The following ABCA12 variants were observed in gnomAD, a reference collection of about 807,000 sequenced individuals.
ABCA12 encodes the protein glucosylceramide transporter ABCA12.
A neutral mutation model predicts 293.5 loss-of-function variants in ABCA12; 156 were observed. The ratio of observed to expected loss-of-function variants is 0.53; its 90% CI spans 0.47 to 0.61. The LOEUF (loss-of-function observed/expected upper bound fraction) is 0.61. Among genes scored for constraint, ABCA12 ranks in the 20% least tolerant of loss-of-function variants. The pLI, the probability that ABCA12 is intolerant of heterozygous loss-of-function variation, is 0.00. For missense variants in ABCA12, 2,797 were observed against 3,090.2 expected, an observed-to-expected ratio of 0.91 and a Z score of 2.25; for synonymous variants, 1,063 against 1,108.0, an observed-to-expected ratio of 0.96 and a Z score of 0.81.
At chr2:214,974,974 C>T in intron 34 of ABCA12, 110 bp from the exon 35 acceptor site, 1 of 1,015,994 alleles carries the variant, frequency 9.8e-7, no homozygotes, top group Non-Finnish European at 1.5e-6. Flanking sequence ...TTTTCTTTTT[C>T]TTTTTTGAGA....
intron 3 of ABCA12, among the ~76,000 whole-genome samples, chr2:215,061,054 A>G (rs367908462): frequency 6.6e-6 from 1 of 152,068 alleles, no homozygotes; most frequent in African/African-American, 2.4e-5. Flanking sequence ...GAGCAATGGC[A>G]CATGGCCAGG....
intron 2 of ABCA12, among the ~76,000 whole-genome samples, chr2:215,067,251 GT>G (rs1701656507): frequency 6.6e-6 from 1 of 152,010 alleles, no homozygotes; most frequent in Admixed American, 6.6e-5. Context: ...AAGTTCCCCA[GT>G]GCTAGGATAA....
intron 1 of ABCA12, among the ~76,000 whole-genome samples, chr2:215,122,017 A>G (rs1031622776): frequency 2.6e-5 from 4 of 152,300 alleles, no homozygotes; most frequent in African/African-American, 7.2e-5. Flanking sequence ...CATCTAAAGA[A>G]ATGACTCATC....
At chr2:214,992,797 G>C (rs1196994482) in intron 23 of ABCA12, among the ~76,000 whole-genome samples, 1 of 151,620 alleles carries the variant, frequency 6.6e-6, no homozygotes, top group East Asian at 1.9e-4. Flanking sequence ...GGAGGTGGAG[G>C]TTGCAGTGAG....
At chr2:214,986,448 T>G in intron 28 of ABCA12, 94 bp downstream of exon 28, 2 of 1,183,596 alleles carry the variant, frequency 1.7e-6, no homozygotes, top group East Asian at 2.5e-5. Context: ...TGTAATAACT[T>G]TATGTTTTAT....
chr2:214,986,959 T>A (rs1167771026), intron 27 of ABCA12, among the ~76,000 whole-genome samples: 1 of 152,146 alleles, frequency 6.6e-6, no homozygotes. Context: ...GAAAAAGCAG[T>A]CCCAGAATAT....
Position 215,050,713 on chromosome 2 carries a change from A to T in ABCA12, c.508-902T>A, listed in dbSNP as rs886632820. On this transcript the variant is annotated intron_variant, in intron 5 of 52. Coordinates refer to ENST00000272895, the MANE Select transcript of ABCA12 (RefSeq NM_173076.3). ...AAAGTAATGGAACAAGACAGAATCC[A>T]CTTATCTAGGATGTACTATAAGTGT... is the stretch of plus-strand genomic sequence containing the variant. 29 of 840,796 alleles carry T rather than the reference A, an allele frequency of 3.4e-5. No individual in the cohort carries two copies. The Admixed American group carries it at 8.7e-4, about 25-fold the overall frequency. The allele number at this position is 840,796 out of a possible 1,614,324, so 52.1% of individuals were successfully genotyped here.
intron 39 of ABCA12, among the ~76,000 whole-genome samples, chr2:214,961,339 A>C (rs1699107848): frequency 6.6e-6 from 1 of 152,128 alleles, no homozygotes; most frequent in Non-Finnish European, 1.5e-5. Flanking sequence ...ACTTCAGTTT[A>C]GGGTCAAAAT....
At chr2:214,981,093 A>G (rs963279858) in intron 30 of ABCA12, among the ~76,000 whole-genome samples, 7 of 151,362 alleles carry the variant, frequency 4.6e-5, no homozygotes, top group African/African-American at 1.5e-4. Context: ...TCAAAGGGAA[A>G]AAAAAAAAAA....
intron 1 of ABCA12, among the ~76,000 whole-genome samples, chr2:215,116,825 G>T (rs1363211958): frequency 6.6e-6 from 1 of 152,134 alleles, no homozygotes; most frequent in Non-Finnish European, 1.5e-5. Context: ...AGAAACAACT[G>T]ATACTTTACA....
intron 23 of ABCA12, among the ~76,000 whole-genome samples, chr2:214,996,184 G>C (rs1305206862): frequency 6.6e-6 from 1 of 152,130 alleles, no homozygotes; most frequent in African/African-American, 2.4e-5. Flanking sequence ...TTTCAGTTGA[G>C]AAATGACTTT....
At chr2:215,049,307 C>T (rs1701269757) in intron 6 of ABCA12, among the ~76,000 whole-genome samples, 1 of 152,110 alleles carries the variant, frequency 6.6e-6, no homozygotes, top group African/African-American at 2.4e-5. Context: ...TGTATCACAG[C>T]CTGAGTAATC....
intron 45 of ABCA12, 52 bp downstream of exon 45, chr2:214,950,827 C>G: frequency 6.4e-7 from 1 of 1,573,580 alleles, no homozygotes; most frequent in Non-Finnish European, 8.7e-7. Flanking sequence ...TTTAATTTGT[C>G]ACATAGTATG....
chr2:215,019,218 TA>T (rs1398217189), intron 13 of ABCA12, 117 bp downstream of exon 13: 11 of 830,662 alleles, frequency 1.3e-5, no homozygotes, highest in Non-Finnish European at 2.0e-5. Flanking sequence ...TTCTCATGTG[TA>T]AGGGCAGATA....
At chr2:215,082,099 C>G (rs1229844594) in intron 2 of ABCA12, among the ~76,000 whole-genome samples, 15 of 128,584 alleles carry the variant, frequency 1.2e-4, no homozygotes, top group African/African-American at 4.2e-4. Context: ...GGCTAGAGTG[C>G]AGTGGCACGA....
intron 2 of ABCA12, among the ~76,000 whole-genome samples, chr2:215,089,163 G>C (rs1358186270): frequency 6.6e-6 from 1 of 150,692 alleles, no homozygotes. Context: ...ACTTTTTGTT[G>C]AATTAGTTTT....
intron 6 of ABCA12, among the ~76,000 whole-genome samples, chr2:215,047,693 T>C (rs1219548374): frequency 6.6e-6 from 1 of 152,208 alleles, no homozygotes; most frequent in East Asian, 1.9e-4. Flanking sequence ...AAGACTTAAA[T>C]GTAAAACCCC....
chr2:214,992,195 C>A (rs1439486573), intron 23 of ABCA12, among the ~76,000 whole-genome samples: 2 of 151,938 alleles, frequency 1.3e-5, no homozygotes, highest in Non-Finnish European at 2.9e-5. Context: ...GTAATCCCAG[C>A]ACTTTGGGAG....
At chr2:215,056,537 A>G (rs10804236) in intron 3 of ABCA12, among the ~76,000 whole-genome samples, 97,505 of 151,836 alleles carry the variant, frequency 0.64, 31,960 homozygotes, top group African/African-American at 0.77. Flanking sequence ...TTTTGGAAGC[A>G]AGAGTTGGAT....
Sources: allele counts gnomAD v4.1 joint callset (sites outside exome capture counted in the v4.1 genomes callset), GRCh38; gene constraint gnomAD v4.1.1; transcripts MANE v1.5; gene names NCBI Gene and HGNC (gene_info 2026-07-23, HGNC 2026-07-21).